FSTL5: variants seen among roughly 807,000 people sequenced by gnomAD.
FSTL5 encodes follistatin like 5.
A neutral mutation model predicts 89.1 loss-of-function variants in FSTL5; 62 were observed. The ratio of observed to expected loss-of-function variants is 0.70; its 90% CI spans 0.57 to 0.86. The LOEUF (loss-of-function observed/expected upper bound fraction) is 0.86. Ranked by LOEUF, FSTL5 falls within the 40% of genes least tolerant of loss-of-function variation. FSTL5 has a pLI of 0.00. For missense variants in FSTL5, 1,057 were observed against 1,001.6 expected (o/e 1.06, Z -0.75); for synonymous variants, 383 against 346.2 (o/e 1.11, Z -1.18).
At chr4:161,790,202 T>C (rs1729411106) in intron 4 of FSTL5, among the ~76,000 whole-genome samples, 1 of 152,226 alleles carries the variant, frequency 6.6e-6, no homozygotes, top group African/African-American at 2.4e-5. Flanking sequence ...AATGTTTTGA[T>C]TGTTTAGATT....
At chr4:161,913,043 A>G (rs1733740718) in intron 4 of FSTL5, among the ~76,000 whole-genome samples, 1 of 152,180 alleles carries the variant, frequency 6.6e-6, no homozygotes, top group African/African-American at 2.4e-5. Context: ...CTAAGCAGCA[A>G]AGCATTCAAG....
At chr4:161,708,027 T>G (rs556088950) in intron 6 of FSTL5, among the ~76,000 whole-genome samples, 42 of 152,146 alleles carry the variant, frequency 2.8e-4, no homozygotes, top group Admixed American at 1.1e-3. Flanking sequence ...TGTAGAACAT[T>G]CTACTGAGTG....
At chr4:161,483,982 A>T (rs1274171163) in intron 12 of FSTL5, among the ~76,000 whole-genome samples, 1 of 152,154 alleles carries the variant, frequency 6.6e-6, no homozygotes, top group Admixed American at 6.5e-5. Flanking sequence ...TTCCATATTT[A>T]ATCACATATT....
At chr4:161,580,568 G>C (rs1032658693) in intron 8 of FSTL5, among the ~76,000 whole-genome samples, 3 of 152,092 alleles carry the variant, frequency 2.0e-5, no homozygotes, top group African/African-American at 7.2e-5. Flanking sequence ...TGGAAAAAAA[G>C]GAATGGATTC....
chr4:161,451,798 C>A (rs1205356129), intron 15 of FSTL5, among the ~76,000 whole-genome samples: 3 of 152,182 alleles, frequency 2.0e-5, no homozygotes, highest in East Asian at 3.9e-4. Flanking sequence ...TCCCTCAGTA[C>A]CAGCTAGTCT....
At chr4:161,471,162 A>C (rs1000600928) in intron 13 of FSTL5, among the ~76,000 whole-genome samples, 1 of 152,208 alleles carries the variant, frequency 6.6e-6, no homozygotes, top group African/African-American at 2.4e-5. Flanking sequence ...CTGAACTTAG[A>C]GGAGAAGCTC....
chr4:161,492,791 T>C (rs577811795), intron 12 of FSTL5, among the ~76,000 whole-genome samples: 1 of 152,232 alleles, frequency 6.6e-6, no homozygotes, highest in African/African-American at 2.4e-5. Context: ...TTGTAATTCT[T>C]ATTATATAAT....
At chr4:161,455,982 G>T (rs906897700) in intron 14 of FSTL5, among the ~76,000 whole-genome samples, 3 of 152,080 alleles carry the variant, frequency 2.0e-5, no homozygotes, top group East Asian at 3.8e-4. Context: ...TTTATGACAA[G>T]ATTTTATTTT....
Position 162,135,092 on chromosome 4 carries a change from G to A in FSTL5, c.-16-23680C>T, listed in dbSNP as rs574041117. ...GTGAATTGTCAGCATAGTACAAGTGGAGTTTCTGCAGTTCTCCACTTAATT... is the reference window on the plus strand; with the variant it reads ...GTGAATTGTCAGCATAGTACAAGTGAAGTTTCTGCAGTTCTCCACTTAATT... On this transcript the variant is annotated intron_variant, in intron 1 of 15. Coordinates refer to ENST00000306100, the MANE Select transcript of FSTL5 (RefSeq NM_020116.5). Among the ~76,000 whole-genome samples the A allele has an allele frequency of 5.3e-5, 8 of 152,224 alleles. No homozygotes were observed. In the East Asian group the frequency reaches 1.5e-3, roughly 29 times the overall value.
intron 8 of FSTL5, among the ~76,000 whole-genome samples, chr4:161,577,473 C>CAAAAAAA (rs544029134): frequency 3.6e-5 from 4 of 110,214 alleles, no homozygotes; most frequent in Non-Finnish European, 5.3e-5. Flanking sequence ...AGAAAAAAGA[C>CAAAAAAA]AAAAAAAAAA....
intron 6 of FSTL5, among the ~76,000 whole-genome samples, chr4:161,731,732 T>G (rs190275373): frequency 8.4e-4 from 128 of 151,740 alleles, no homozygotes; most frequent in African/African-American, 3.0e-3. Context: ...TTTAAAGAAT[T>G]TTTATGAATA....
intron 2 of FSTL5, among the ~76,000 whole-genome samples, chr4:162,074,933 A>C (rs1729775444): frequency 6.6e-6 from 1 of 151,720 alleles, no homozygotes; most frequent in Non-Finnish European, 1.5e-5. Context: ...ATCACCTAAC[A>C]CAAAGCCCAT....
At chr4:161,651,208 A>C (rs1736329129) in intron 7 of FSTL5, among the ~76,000 whole-genome samples, 1 of 152,102 alleles carries the variant, frequency 6.6e-6, no homozygotes, top group African/African-American at 2.4e-5. Context: ...AGGATCCAGG[A>C]CACAGATACA....
rs1263165996 is a variant in FSTL5, at chr4:161,738,213, C to T, written c.727+21198G>A. Among the ~76,000 whole-genome samples, 4 of 151,896 alleles carry T rather than the reference C, an allele frequency of 2.6e-5. No individual in the cohort carries two copies. In the South Asian group the frequency reaches 6.2e-4, roughly 24 times the overall value. ...AATTTTCTTCACAATGTCAATTTTACGTAAAGAAAATAAAATGGAGATGGC... is the reference window on the plus strand; with the variant it reads ...AATTTTCTTCACAATGTCAATTTTATGTAAAGAAAATAAAATGGAGATGGC... On this transcript the variant is annotated intron_variant, in intron 6 of 15. Coordinates refer to ENST00000306100, the MANE Select transcript of FSTL5 (RefSeq NM_020116.5).
chr4:161,960,650 T>C (rs1293836957), intron 3 of FSTL5, among the ~76,000 whole-genome samples: 5 of 152,108 alleles, frequency 3.3e-5, no homozygotes, highest in African/African-American at 1.2e-4. Context: ...TATTTCATTA[T>C]TGTTTTACAA....
chr4:161,940,845 A>T (rs1421955787), intron 3 of FSTL5, among the ~76,000 whole-genome samples: 1 of 151,820 alleles, frequency 6.6e-6, no homozygotes, highest in African/African-American at 2.4e-5. Context: ...AAAACAAAAA[A>T]CACTGATAAA....
chr4:161,641,819 T>A (rs1427781262), intron 7 of FSTL5, among the ~76,000 whole-genome samples: 1 of 152,176 alleles, frequency 6.6e-6, no homozygotes, highest in African/African-American at 2.4e-5. Context: ...TTGAGGATGT[T>A]AAATGGACTT....
intron 6 of FSTL5, among the ~76,000 whole-genome samples, chr4:161,732,559 T>C (rs1739650359): frequency 2.0e-5 from 3 of 152,100 alleles, no homozygotes; most frequent in African/African-American, 4.8e-5. Flanking sequence ...TAATTAAGAA[T>C]GCTTAGCCAA....
intron 4 of FSTL5, among the ~76,000 whole-genome samples, chr4:161,850,258 A>G (rs1731505905): frequency 6.6e-6 from 1 of 152,200 alleles, no homozygotes; most frequent in South Asian, 2.1e-4. Context: ...TATACGGAAT[A>G]ATAACCGTGG....
Sources: allele counts gnomAD v4.1 joint callset (sites outside exome capture counted in the v4.1 genomes callset), GRCh38; gene constraint gnomAD v4.1.1; transcripts MANE v1.5; gene names NCBI Gene and HGNC (gene_info 2026-07-23, HGNC 2026-07-21).